The following PTN variants were observed in gnomAD, a reference collection of about 807,000 sequenced individuals.
The protein encoded by PTN is heparin affin regulatory protein.
A neutral mutation model predicts 24.1 loss-of-function variants in PTN; 18 were observed. The observed-to-expected ratio is 0.75, with a 90% CI of 0.52 to 1.11. The LOEUF (loss-of-function observed/expected upper bound fraction) is 1.11, where lower values mean the gene tolerates loss of function less well. Ranked by LOEUF, PTN falls within the 50% of genes least tolerant of loss-of-function variation. The pLI is 0.00. For synonymous variants in PTN, 78 were observed against 68.6 expected (o/e 1.14, Z -0.67); for missense variants, 163 against 198.8 (o/e 0.82, Z 1.08).
intron 1 of PTN, among the ~76,000 whole-genome samples, chr7:137,317,715 A>G (rs571767195): frequency 8.9e-4 from 136 of 152,334 alleles, no homozygotes; most frequent in African/African-American, 3.2e-3. Context: ...TGGGGCATTC[A>G]ATACTTAAAC....
Position 137,227,956 on chromosome 7 carries a change from T to C in PTN, c.*64A>G. The C allele has an allele frequency of 6.3e-7, 1 of 1,584,740 alleles. No homozygotes were observed. Reference sequence around the variant, plus strand: ...TTGAATACAAAGCCTACGGTACATATAAATGCAATAGTTAACTGATCCTGT... The same window carrying C: ...TTGAATACAAAGCCTACGGTACATACAAATGCAATAGTTAACTGATCCTGT... On this transcript the variant is annotated 3_prime_UTR_variant, in exon 5 of 5. Coordinates refer to ENST00000348225, the MANE Select transcript of PTN (RefSeq NM_002825.7).
At chr7:137,324,433 AAT>A (rs71176396) in intron 1 of PTN, among the ~76,000 whole-genome samples, 3 of 88,802 alleles carry the variant, frequency 3.4e-5, no homozygotes, top group African/African-American at 2.1e-4. Flanking sequence ...AAAAAAAAAA[AAT>A]ATATATATAT....
intron 1 of PTN, among the ~76,000 whole-genome samples, chr7:137,264,896 C>T (rs75854811): frequency 6.6e-6 from 1 of 151,992 alleles, no homozygotes; most frequent in East Asian, 1.9e-4. Flanking sequence ...CCTTTGGAAA[C>T]CCCTTCTAGT....
At chr7:137,248,735 T>C (rs1466537168) in intron 4 of PTN, among the ~76,000 whole-genome samples, 3 of 152,156 alleles carry the variant, frequency 2.0e-5, no homozygotes, top group Admixed American at 2.0e-4. Flanking sequence ...AAACAGCATT[T>C]ATAAGACTCT....
intron 1 of PTN, among the ~76,000 whole-genome samples, chr7:137,327,826 C>A (rs1810287812): frequency 6.6e-6 from 1 of 152,138 alleles, no homozygotes; most frequent in Non-Finnish European, 1.5e-5. Context: ...AGGCCAGGAT[C>A]ATGGACAGTG....
chr7:137,322,360 A>AT (rs964765329), intron 1 of PTN, among the ~76,000 whole-genome samples: 1 of 152,148 alleles, frequency 6.6e-6, no homozygotes, highest in African/African-American at 2.4e-5. Flanking sequence ...TCATATAGTT[A>AT]TTTTTTAGGA....
At chr7:137,316,628 C>G (rs564692492) in intron 1 of PTN, among the ~76,000 whole-genome samples, 1 of 152,222 alleles carries the variant, frequency 6.6e-6, no homozygotes, top group South Asian at 2.1e-4. Flanking sequence ...GAGGATCGAG[C>G]CGTCCCAAAA....
In PTN at chr7:137,318,607, T is replaced by A. The variant is rs529877907; in HGVS notation, c.-2+24832A>T. On this transcript the variant is annotated intron_variant, in intron 1 of 4. Coordinates refer to ENST00000348225, the MANE Select transcript of PTN (RefSeq NM_002825.7). Reference sequence around the variant, plus strand: ...ACAAGTAAATGTGTATGCTGCGAATTAATACGTGAATGAACAAATGACTAC... The same window carrying A: ...ACAAGTAAATGTGTATGCTGCGAATAAATACGTGAATGAACAAATGACTAC... 3 of 152,336 alleles carry A rather than the reference T, an allele frequency of 2.0e-5. No homozygotes were observed. In the South Asian group the frequency reaches 6.2e-4, roughly 32 times the overall value. The allele number at this position is 152,336 out of a possible 1,614,324, so 9.4% of individuals were successfully genotyped here.
At chr7:137,312,559 GGAAAATTGTT>G (rs1810000822) in intron 1 of PTN, among the ~76,000 whole-genome samples, 1 of 152,134 alleles carries the variant, frequency 6.6e-6, no homozygotes, top group African/African-American at 2.4e-5. Flanking sequence ...GTTATCTTTT[GGAAAATTGTT>G]GCCATTTAAT....
At chr7:137,263,747 G>A (rs565467219) in intron 1 of PTN, among the ~76,000 whole-genome samples, 7 of 152,214 alleles carry the variant, frequency 4.6e-5, no homozygotes, top group African/African-American at 1.7e-4. Flanking sequence ...TGGGTAGTAG[G>A]AAGAAAGATG....
At position 137,266,615 on chromosome 7, in the gene PTN, T is replaced by TC. The variant is rs1464679672; in HGVS notation, c.-1-11642dup. Among the ~76,000 whole-genome samples, 10 of 151,954 alleles carry TC rather than the reference T, an allele frequency of 6.6e-5. No individual in the cohort carries two copies. The East Asian group carries it at 1.9e-3, about 29-fold the overall frequency. ...CATATAACACTCTTTTTACATAAATTCTGCCTCCCCTTTTTTTTCCTTTTT... is the reference window on the plus strand; with the variant it reads ...CATATAACACTCTTTTTACATAAATTCCTGCCTCCCCTTTTTTTTCCTTTTT... On this transcript the variant is annotated intron_variant, in intron 1 of 4. Transcript: ENST00000348225.
chr7:137,324,433 A>AAATATATATATATATATATATATATATAT, intron 1 of PTN, among the ~76,000 whole-genome samples: 1 of 88,804 alleles, frequency 1.1e-5, no homozygotes, highest in African/African-American at 6.9e-5. Context: ...AAAAAAAAAA[A>AAATATATATATATATATATATATATATAT]ATATATATAT....
chr7:137,266,867 C>T (rs931499940), intron 1 of PTN, among the ~76,000 whole-genome samples: 3 of 91,988 alleles, frequency 3.3e-5, no homozygotes, highest in African/African-American at 8.9e-5. Context: ...GTATAGATGG[C>T]CTTTTTTTTT....
chr7:137,251,568 C>G (rs898307929), intron 3 of PTN, among the ~76,000 whole-genome samples, 177 bp from the exon 4 acceptor site: 3 of 152,182 alleles, frequency 2.0e-5, no homozygotes, highest in African/African-American at 7.2e-5. Context: ...AATTCTATCA[C>G]ATGTGTAGAT....
intron 4 of PTN, among the ~76,000 whole-genome samples, chr7:137,243,780 C>A (rs1268934289): frequency 6.6e-6 from 1 of 152,076 alleles, no homozygotes; most frequent in African/African-American, 2.4e-5. Context: ...CGGAGGGTCA[C>A]CTGTGGCGGA....
intron 2 of PTN, among the ~76,000 whole-genome samples, chr7:137,253,860 A>G (rs1206523992): frequency 6.6e-6 from 1 of 152,202 alleles, no homozygotes; most frequent in Non-Finnish European, 1.5e-5. Context: ...GCTAAAACTA[A>G]TATTAATTGA....
chr7:137,240,084 G>C (rs890255302), intron 4 of PTN, among the ~76,000 whole-genome samples: 1 of 152,050 alleles, frequency 6.6e-6, no homozygotes, highest in East Asian at 1.9e-4. Flanking sequence ...GGCTTTCCCC[G>C]ATTACTCTAT....
At position 137,303,098 on chromosome 7, in the gene PTN, G is replaced by A. The variant is rs149954784; in HGVS notation, c.-2+40341C>T. ...CACTGTATTTTTCATTGTTGCTGTC[G>A]TAATGGAATTTTATTTTATATGGCT... On this transcript the variant is annotated intron_variant, in intron 1 of 4. Transcript: ENST00000348225. 2.8e-3 allele frequency among the ~76,000 whole-genome samples: 421 copies of A among 152,020 alleles called. 2 individuals carry two copies. The highest frequency in any genetic ancestry group is 9.5e-3 in the African/African-American group (393 of 41,506).
chr7:137,310,575 T>A lies in PTN; in HGVS notation c.-2+32864A>T, dbSNP rs1298622481. Among the ~76,000 whole-genome samples, 3 of 152,142 alleles carry A rather than the reference T, an allele frequency of 2.0e-5. No individual in the cohort carries two copies. The South Asian group carries it at 6.2e-4, about 32-fold the overall frequency. The stretch of plus-strand genomic sequence containing the variant: ...ACCATGCCCAGCTAATTTTTCTTTT[T>A]TTGTATTTTTAGTAGAGACGGGGTT... On this transcript the variant is annotated intron_variant, in intron 1 of 4. Coordinates refer to ENST00000348225, the MANE Select transcript of PTN (RefSeq NM_002825.7).
Sources: gnomAD v4.1 joint callset for allele counts (sites outside exome capture counted in the v4.1 genomes callset) on GRCh38, gnomAD v4.1.1 for gene constraint, MANE v1.5 for transcripts, NCBI Gene and HGNC (gene_info 2026-07-23, HGNC 2026-07-21) for gene names.